CADM2: variants seen among roughly 807,000 people sequenced by gnomAD.
CADM2 encodes immunoglobulin superfamily member 4D.
In CADM2, 12 loss-of-function variants were observed where a neutral mutation model predicts 49.8. The ratio of observed to expected loss-of-function variants is 0.24; its 90% confidence interval spans 0.15 to 0.39. The LOEUF is 0.39. CADM2 is among the 10% of genes least tolerant of loss of function. The pLI, the probability that CADM2 is intolerant of heterozygous loss-of-function variation, is 1.00. For missense variants in CADM2, 378 were observed against 492.3 expected, an observed-to-expected ratio of 0.77 and a Z score of 2.20; for synonymous variants, 214 against 175.4, an observed-to-expected ratio of 1.22 and a Z score of -1.74.
intron 1 of CADM2, among the ~76,000 whole-genome samples, chr3:85,390,227 A>G (rs573424942): frequency 7.9e-5 from 12 of 152,158 alleles, no homozygotes; most frequent in African/African-American, 2.9e-4. Flanking sequence ...TTTTCCATGG[A>G]GAAAGAATTA....
intron 1 of CADM2, among the ~76,000 whole-genome samples, chr3:85,264,595 A>G (rs72917188): frequency 0.066 from 9,998 of 151,996 alleles, 1,082 homozygotes; most frequent in African/African-American, 0.23. Context: ...CAGCCAATTT[A>G]GGGACTATTT....
chr3:85,174,058 CTTGT>C (rs1484724409), intron 1 of CADM2, among the ~76,000 whole-genome samples: 2 of 152,080 alleles, frequency 1.3e-5, no homozygotes, highest in Non-Finnish European at 2.9e-5. Flanking sequence ...TTCTGATTCT[CTTGT>C]TTATCTTTGA....
intron 1 of CADM2, among the ~76,000 whole-genome samples, chr3:85,490,429 T>C (rs192139080): frequency 6.6e-6 from 1 of 152,044 alleles, no homozygotes; most frequent in Non-Finnish European, 1.5e-5. Context: ...GTAAATTTTT[T>C]AAAATCAGCC....
rs576224756 is a variant in CADM2 at position 85,598,159 on chromosome 3, A to G, written c.62-128363A>G. ...TCCCATTCCAGACATTGTGCTAACT[A>G]AAAAATAAAATAAAAATAAAAAACA... On this transcript the variant is annotated intron_variant, in intron 1 of 9. Transcript: ENST00000383699. 2.0e-5 allele frequency among the ~76,000 whole-genome samples: 3 copies of G among 152,122 alleles called. No homozygotes were observed. The South Asian group carries it at 6.2e-4, about 32-fold the overall frequency.
At chr3:85,553,690 G>C (rs2061875138) in intron 1 of CADM2, among the ~76,000 whole-genome samples, 1 of 152,174 alleles carries the variant, frequency 6.6e-6, no homozygotes. Flanking sequence ...TTCTGATTCA[G>C]GAAGTCTTGT....
intron 1 of CADM2, among the ~76,000 whole-genome samples, chr3:85,470,292 T>C (rs998484679): frequency 9.9e-5 from 15 of 151,966 alleles, no homozygotes; most frequent in African/African-American, 3.6e-4. Flanking sequence ...ATATAAGGAG[T>C]TAGCAAGCAA....
chr3:85,671,883 A>G (rs2065746872), intron 1 of CADM2, among the ~76,000 whole-genome samples: 1 of 152,158 alleles, frequency 6.6e-6, no homozygotes. Context: ...CCTTAACACT[A>G]ATATATAAGA....
chr3:84,966,922 A>G (rs2031043291), intron 1 of CADM2, among the ~76,000 whole-genome samples: 1 of 152,052 alleles, frequency 6.6e-6, no homozygotes, highest in African/African-American at 2.4e-5. Flanking sequence ...AAAAATAAGC[A>G]TACTTTTGCT....
chr3:85,431,434 T>C (rs2036659310), intron 1 of CADM2, among the ~76,000 whole-genome samples: 1 of 152,092 alleles, frequency 6.6e-6, no homozygotes, highest in Non-Finnish European at 1.5e-5. Context: ...TCTGCAAAAT[T>C]AGGATAATAA....
chr3:85,340,861 A>G (rs2107191878), intron 1 of CADM2, among the ~76,000 whole-genome samples: 1 of 151,712 alleles, frequency 6.6e-6, no homozygotes, highest in East Asian at 1.9e-4. Context: ...CTTGGAGATT[A>G]TTGTTTTATT....
At chr3:85,536,392 TA>T (rs55801641) in intron 1 of CADM2, among the ~76,000 whole-genome samples, 26,384 of 150,982 alleles carry the variant, frequency 0.17, 2,725 homozygotes, top group Non-Finnish European at 0.23. Context: ...TTCCTTTTTC[TA>T]AAAAAAAAAT....
At chr3:85,522,564 T>C (rs1385368575) in intron 1 of CADM2, among the ~76,000 whole-genome samples, 1 of 152,146 alleles carries the variant, frequency 6.6e-6, no homozygotes, top group African/African-American at 2.4e-5. Flanking sequence ...TCATTGTTAT[T>C]AGTATAAACA....
intron 6 of CADM2, among the ~76,000 whole-genome samples, chr3:85,924,592 A>AAAATAAATAAATAAATAAATAAAT: frequency 6.8e-6 from 1 of 146,218 alleles, no homozygotes; most frequent in Non-Finnish European, 1.5e-5. Flanking sequence ...ACAACATCTA[A>AAAATAAATAAATAAATAAATAAAT]AAATAAATAA....
intron 8 of CADM2, among the ~76,000 whole-genome samples, chr3:86,000,925 A>G (rs1207347052): frequency 6.6e-6 from 1 of 152,154 alleles, no homozygotes; most frequent in African/African-American, 2.4e-5. Context: ...TTCTGGCTGC[A>G]GGGGAGCAAA....
intron 6 of CADM2, among the ~76,000 whole-genome samples, chr3:85,921,654 G>A (rs954093999): frequency 7.9e-5 from 12 of 151,950 alleles, no homozygotes; most frequent in Admixed American, 7.9e-4. Flanking sequence ...AATATTGATA[G>A]ATTATTGTTA....
At chr3:85,018,545 C>T (rs529742418) in intron 1 of CADM2, among the ~76,000 whole-genome samples, 3 of 151,948 alleles carry the variant, frequency 2.0e-5, no homozygotes, top group South Asian at 2.1e-4. Flanking sequence ...GTAGAGATGG[C>T]GGTTTCACCA....
intron 1 of CADM2, among the ~76,000 whole-genome samples, chr3:85,265,103 G>C (rs2043093262): frequency 6.6e-6 from 1 of 151,868 alleles, no homozygotes; most frequent in Non-Finnish European, 1.5e-5. Context: ...GGCTCCTATT[G>C]TAAGAAAAAT....
intron 4 of CADM2, among the ~76,000 whole-genome samples, chr3:85,883,732 C>A (rs1238545081): frequency 6.6e-6 from 1 of 152,082 alleles, no homozygotes; most frequent in African/African-American, 2.4e-5. Context: ...CAGCTAATTT[C>A]TTTTTTATCA....
rs373257952 is a variant in CADM2, at chr3:85,663,223, T to C, written c.62-63299T>C. On this transcript the variant is annotated intron_variant, in intron 1 of 9. Coordinates refer to ENST00000383699, the MANE Select transcript of CADM2 (RefSeq NM_001167675.2). ...AGTACCTTCCTACTTTTTAGAGTTG[T>C]GGTGAAGATTACTCCATACTCCCTT... is the stretch of plus-strand genomic sequence containing the variant. Among the ~76,000 whole-genome samples the C allele has an allele frequency of 5.9e-5, 9 of 152,158 alleles. No individual in the cohort carries two copies. The South Asian group carries it at 1.0e-3, about 18-fold the overall frequency.
Sources: allele counts gnomAD v4.1 joint callset (sites outside exome capture counted in the v4.1 genomes callset), GRCh38; gene constraint gnomAD v4.1.1; transcripts MANE v1.5; gene names NCBI Gene and HGNC (gene_info 2026-07-23, HGNC 2026-07-21).